The following GCSAML variants were observed in gnomAD, a reference collection of about 807,000 sequenced individuals.
GCSAML encodes the protein germinal center-associated signaling and motility-like protein.
A neutral mutation model predicts 13.0 loss-of-function variants in GCSAML; 9 were observed. The ratio of observed to expected loss-of-function variants is 0.69; its 90% CI spans 0.42 to 1.21. GCSAML has a LOEUF of 1.21. GCSAML is among the 50% of genes most tolerant of loss of function. GCSAML has a pLI of 0.00. For synonymous variants in GCSAML, 37 were observed against 52.9 expected (o/e 0.70, Z 1.31); for missense variants, 143 against 153.4 (o/e 0.93, Z 0.36).
chr1:247,554,459 C>T (rs979722883), intron 1 of GCSAML, among the ~76,000 whole-genome samples: 1 of 151,836 alleles, frequency 6.6e-6, no homozygotes, highest in African/African-American at 2.4e-5. Flanking sequence ...TTATTTTTAC[C>T]CACAACTTTC....
At chr1:247,534,499 A>G (rs995030380) in intron 2 of GCSAML, among the ~76,000 whole-genome samples, 3 of 152,240 alleles carry the variant, frequency 2.0e-5, no homozygotes, top group African/African-American at 7.2e-5. Flanking sequence ...GCTTTTGTAC[A>G]GTTGGAATAA....
At chr1:247,531,604 C>G (rs141308461) in intron 2 of GCSAML, 1 of 1,614,018 alleles carries the variant, frequency 6.2e-7, no homozygotes, top group African/African-American at 1.3e-5. Flanking sequence ...TACCATGTGC[C>G]GGAGGGCGCT....
At chr1:247,529,759 T>A (rs1034138489) in intron 2 of GCSAML, 12 of 141,752 alleles carry the variant, frequency 8.5e-5, no homozygotes, top group Non-Finnish European at 1.5e-5. Context: ...GCGATTAACA[T>A]TTAAATCAGT....
At chr1:247,567,575 C>T (rs552188314) in intron 4 of GCSAML, among the ~76,000 whole-genome samples, 17 of 152,292 alleles carry the variant, frequency 1.1e-4, no homozygotes, top group African/African-American at 4.1e-4. Flanking sequence ...TCCAGTCTAA[C>T]ATTGATGGGC....
Position 247,526,650 on chromosome 1 carries a change from T to TG in GCSAML, c.-262-287dup, listed in dbSNP as rs1451224264. Reference sequence around the variant, plus strand: ...TGCATGACCCTCACAGTGTGCAGCATGGGAGGAAACCCATACATGAAGTAG... The same window carrying TG: ...TGCATGACCCTCACAGTGTGCAGCATGGGGAGGAAACCCATACATGAAGTAG... On this transcript the variant is annotated intron_variant, in intron 1 of 5. Transcript: ENST00000366489. The surrounding 1 kb of genome is among the most constrained non-coding windows in gnomAD (Gnocchi z 4.8). The TG allele has an allele frequency of 3.2e-6, 1 of 315,160 alleles. No individual in the cohort carries two copies. The highest frequency in any genetic ancestry group is 6.1e-6 in the Non-Finnish European group (1 of 162,624). 19.5% of individuals were successfully genotyped at this position (315,160 alleles called of 1,614,324 possible). A position where few individuals can be genotyped will look rare whatever the true frequency, so the allele number is the denominator to read the frequency against.
chr1:247,522,313 T>TCCGCCC (rs1666478039), intron 1 of GCSAML, among the ~76,000 whole-genome samples: 2 of 116,220 alleles, frequency 1.7e-5, no homozygotes, highest in Non-Finnish European at 3.7e-5. Flanking sequence ...CGCCTCCACC[T>TCCGCCC]GGCCGCCGCC....
intron 2 of GCSAML, among the ~76,000 whole-genome samples, chr1:247,537,083 C>A (rs1398313407): frequency 1.3e-5 from 2 of 152,180 alleles, no homozygotes; most frequent in Admixed American, 1.3e-4. Context: ...ACTTTTTCAT[C>A]ACCTCAAATG....
At chr1:247,570,224 T>C (rs1191053073) in intron 4 of GCSAML, among the ~76,000 whole-genome samples, 1 of 152,204 alleles carries the variant, frequency 6.6e-6, no homozygotes, top group Non-Finnish European at 1.5e-5. Flanking sequence ...TGCTCTGATC[T>C]TAGTTATTTC....
At chr1:247,557,647 G>A (rs116629204) in intron 2 of GCSAML, among the ~76,000 whole-genome samples, 1,864 of 152,210 alleles carry the variant, frequency 0.012, 37 homozygotes, top group African/African-American at 0.043. Context: ...ATGTTTGAAC[G>A]ACACTTTCCT....
chr1:247,571,999 T>C (rs1668634558), intron 4 of GCSAML, among the ~76,000 whole-genome samples: 1 of 152,248 alleles, frequency 6.6e-6, no homozygotes, highest in Admixed American at 6.5e-5. Context: ...AATTTGGCTA[T>C]TGATACTTGT....
intron 1 of GCSAML, among the ~76,000 whole-genome samples, chr1:247,510,838 T>C (rs2387039): frequency 0.32 from 48,515 of 152,094 alleles, 8,499 homozygotes; most frequent in East Asian, 0.55. Context: ...GAGTTCTAAT[T>C]TGATTGCACT....
In GCSAML at chr1:247,527,561, T is replaced by C. The variant is rs1383513936; in HGVS notation, c.-148+507T>C. 2.6e-5 allele frequency: 4 copies of C among 152,530 alleles called. No homozygotes were observed. The highest frequency in any genetic ancestry group is 2.0e-4 in the Admixed American group (3 of 15,336). The allele number at this position is 152,530 out of a possible 1,614,324, so 9.4% of individuals were successfully genotyped here. The stretch of plus-strand genomic sequence containing the variant: ...TTAGGGAAAGTTTTTAGTATTCAGA[T>C]TGAAGTTTTTCTTCAGATCTTGAAT... On this transcript the variant is annotated intron_variant, in intron 2 of 5. Coordinates refer to the GCSAML transcript ENST00000366489. The surrounding 1 kb of genome is among the most constrained non-coding windows in gnomAD (Gnocchi z 4.6).
intron 4 of GCSAML, among the ~76,000 whole-genome samples, chr1:247,570,764 G>T (rs2103075318): frequency 6.6e-6 from 1 of 152,238 alleles, no homozygotes; most frequent in South Asian, 2.1e-4. Flanking sequence ...GAATATCCTT[G>T]TTAATCTTCT....
intron 4 of GCSAML, among the ~76,000 whole-genome samples, chr1:247,572,970 T>C (rs2103081051): frequency 6.6e-6 from 1 of 152,328 alleles, no homozygotes; most frequent in African/African-American, 2.4e-5. Context: ...GTTTACACTG[T>C]GAGGGGAAAA....
At chr1:247,548,924 C>G, upstream of GCSAML, 2 of 639,222 alleles carry the variant, frequency 3.1e-6, no homozygotes, top group South Asian at 2.5e-5. The surrounding 1 kb of genome is among the most constrained non-coding windows in gnomAD (Gnocchi z 5.3). Flanking sequence ...TTTTTTCCCA[C>G]TGTATGCCCA....
chr1:247,535,485 T>G (rs1667183842), intron 2 of GCSAML, among the ~76,000 whole-genome samples: 1 of 152,186 alleles, frequency 6.6e-6, no homozygotes, highest in Non-Finnish European at 1.5e-5. Context: ...TCACCGCAGG[T>G]GAGCTGAAAA....
rs1668835016 is a variant in GCSAML at position 247,576,383 on chromosome 1, A to G, written c.*2001A>G. ...AACACAGTGAGACCTCGTTTCTACA[A>G]ATAATTAAAAAATTAGCCAGGTGTG... On this transcript the variant is annotated 3_prime_UTR_variant, in exon 5 of 5. Coordinates refer to ENST00000366488, the MANE Select transcript of GCSAML (RefSeq NM_145278.5). 1 of 152,144 alleles carries G rather than the reference A, an allele frequency of 6.6e-6. No individual in the cohort carries two copies. Among genetic ancestry groups the G allele is most frequent in the African/African-American group, 2.4e-5 (1 of 41,412 alleles). 9.4% of individuals were successfully genotyped at this position (152,144 alleles called of 1,614,324 possible).
At chr1:247,560,793 C>A (rs1316822120) in intron 2 of GCSAML, among the ~76,000 whole-genome samples, 2 of 152,238 alleles carry the variant, frequency 1.3e-5, no homozygotes, top group East Asian at 3.9e-4. Context: ...ACTCTTTTAG[C>A]GAATTTCAAG....
intron 4 of GCSAML, among the ~76,000 whole-genome samples, chr1:247,568,047 TA>T (rs1668455451): frequency 1.3e-5 from 2 of 152,340 alleles, no homozygotes; most frequent in South Asian, 4.1e-4. Flanking sequence ...TAAATTTGTT[TA>T]AGTTCTTTGT....
Sources: gnomAD v4.1 joint callset for allele counts (sites outside exome capture counted in the v4.1 genomes callset) on GRCh38, gnomAD v4.1.1 for gene constraint, Gnocchi (gnomAD v3.1) non-coding constraint, MANE v1.5 for transcripts, NCBI Gene and HGNC (gene_info 2026-07-23, HGNC 2026-07-21) for gene names.